The following ZNF7 variants were observed in gnomAD, a reference collection of about 807,000 sequenced individuals.
ZNF7 encodes the protein C2-H2 type zinc finger protein.
In ZNF7, 10 loss-of-function variants were observed where a neutral mutation model predicts 12.0. The observed-to-expected ratio is 0.83, with a 90% confidence interval of 0.51 to 1.42. The LOEUF (loss-of-function observed/expected upper bound fraction) is 1.42, where lower values mean the gene tolerates loss of function less well. Among genes scored for constraint, ZNF7 ranks in the 40% most tolerant of loss-of-function variants. ZNF7 has a pLI of 0.00. For synonymous variants in ZNF7, 334 were observed against 295.0 expected, an observed-to-expected ratio of 1.13 and a Z score of -1.35; for missense variants, 854 against 837.2, an observed-to-expected ratio of 1.02 and a Z score of -0.25.
chr8:144,835,690 C>T (rs1400217840), intron 3 of ZNF7: 1 of 152,154 alleles, frequency 6.6e-6, no homozygotes, highest in Non-Finnish European at 1.5e-5. Context: ...TCTTTGTTCT[C>T]TAGCTCTCTG....
At chr8:144,829,148 T>C in intron 2 of ZNF7, 58 bp downstream of exon 2, 2 of 1,611,080 alleles carry the variant, frequency 1.2e-6, no homozygotes, top group South Asian at 2.2e-5. Flanking sequence ...CACCTCCTGC[T>C]CTGCCCACTG....
chr8:144,838,261 A>C (rs1437827101), intron 4 of ZNF7: 2 of 624,870 alleles, frequency 3.2e-6, no homozygotes, highest in Non-Finnish European at 5.8e-6. Context: ...GTTAGGGGCC[A>C]CCCCAGTGAC....
In ZNF7 at chr8:144,838,425, G is replaced by GGCCTGGTGCTCTGCTCCCCT. The variant is rs1182858532; in HGVS notation, c.247+921_247+940dup. 5 of 426,802 alleles carry GGCCTGGTGCTCTGCTCCCCT rather than the reference G, an allele frequency of 1.2e-5. No individual in the cohort carries two copies. The East Asian group carries it at 1.6e-4, about 14-fold the overall frequency. The allele number at this position is 426,802 out of a possible 1,614,324, so 26.4% of individuals were successfully genotyped here. A position where few individuals can be genotyped will look rare whatever the true frequency, so the allele number is the denominator to read the frequency against. On this transcript the variant is annotated intron_variant, in intron 4 of 4. Transcript: ENST00000532777. ...ATCAGCTCCTGCTGGGCAGGCGCCC[G>GGCCTGGTGCTCTGCTCCCCT]GCCTGGTGCTCTGCTCCCCTGCTTA... is the stretch of plus-strand genomic sequence containing the variant.
rs780796625 is a variant in ZNF7 at position 144,843,404 on chromosome 8, A to AC, written c.*236_*237insC. On this transcript the variant is annotated 3_prime_UTR_variant, in exon 5 of 5. Transcript: ENST00000532777. ...GGAGGTTGAGACCATCCTGGGTAAC[A>AC]GGTGAAACCCCATCTCTACTAAAAA... 5.3e-4 allele frequency: 220 copies of AC among 417,796 alleles called. No individual in the cohort carries two copies. Among genetic ancestry groups the AC allele is most frequent in the East Asian group, 1.2e-3 (29 of 24,902 alleles). 25.9% of individuals were successfully genotyped at this position (417,796 alleles called of 1,614,324 possible). A position where few individuals can be genotyped will look rare whatever the true frequency, so the allele number is the denominator to read the frequency against.
At chr8:144,841,199 C>T (rs970982798) in intron 4 of ZNF7, 156 bp from the exon 5 acceptor site, 3 of 744,662 alleles carry the variant, frequency 4.0e-6, no homozygotes, top group South Asian at 1.8e-5. Flanking sequence ...TGAGAACTGT[C>T]AAAGGCTCTG....
chr8:144,829,529 C>T lies in ZNF7; in HGVS notation c.55C>T (p.Gln19Ter). ...VAVHFSREEWQCLDPGQRALY... is the reference protein window; with the variant it reads ...VAVHFSREEW ...TGTGCACTTCTCTCGGGAGGAGTGG[C>T]AGTGTCTGGACCCTGGCCAGAGGGC... Residue 19 changes from glutamine to a stop codon, truncating the protein, a stop_gained, in exon 3 of 5, where the codon CAG becomes TAG. Coordinates refer to ENST00000532777, the MANE Select transcript of ZNF7 (RefSeq NM_003416.4). LOFTEE classifies it high-confidence loss of function. 4 of 1,614,128 alleles carry T rather than the reference C, an allele frequency of 2.5e-6. No individual in the cohort carries two copies. The highest frequency in any genetic ancestry group is 3.4e-6 in the Non-Finnish European group (4 of 1,180,010).
downstream of ZNF7, among the ~76,000 whole-genome samples, chr8:144,844,483 G>A (rs555072572): frequency 6.6e-6 from 1 of 152,244 alleles, no homozygotes; most frequent in African/African-American, 2.4e-5. Flanking sequence ...GGTCGAGGTG[G>A]GTGGATCATG....
chr8:144,845,415 G>C (rs1339032391), downstream of ZNF7, among the ~76,000 whole-genome samples: 1 of 152,016 alleles, frequency 6.6e-6, no homozygotes, highest in African/African-American at 2.4e-5. Flanking sequence ...ACACAACCTT[G>C]AGAAGTGGCC....
intron 1 of ZNF7, 39 bp from the exon 2 acceptor site, chr8:144,829,004 T>C: frequency 6.2e-7 from 1 of 1,604,418 alleles, no homozygotes; most frequent in Non-Finnish European, 8.5e-7. Flanking sequence ...GTTGGGCTTC[T>C]GGCACCTTGA....
intron 3 of ZNF7, 102 bp downstream of exon 3, chr8:144,829,706 C>T: frequency 7.0e-7 from 1 of 1,437,884 alleles, no homozygotes; most frequent in Admixed American, 2.6e-5. Flanking sequence ...ACGCTCAGAC[C>T]CTTGTGGGCT....
At chr8:144,829,817 T>G in intron 3 of ZNF7, 1 of 459,828 alleles carries the variant, frequency 2.2e-6, no homozygotes, top group Non-Finnish European at 3.6e-6. Context: ...ATTCTGGGAG[T>G]TAGTAAAGCC....
In ZNF7 at chr8:144,841,764, A is replaced by C. The variant is rs377185328; in HGVS notation, c.657A>C (p.Thr219=). The change falls in exon 5 of 5, where the codon ACA becomes ACC. Residue 219 remains threonine, a synonymous_variant. Transcript: ENST00000532777. ...SDIALHWEIN[T]QKISRCQECQ... The stretch of plus-strand genomic sequence containing the variant: ...TCGCTCTGCATTGGGAAATTAATAC[A>C]CAGAAAATTAGCAGATGTCAAGAAT... 2 of 1,614,044 alleles carry C rather than the reference A, an allele frequency of 1.2e-6. No individual in the cohort carries two copies. Among genetic ancestry groups the C allele is most frequent in the Non-Finnish European group, 1.7e-6 (2 of 1,180,042 alleles).
Position 144,841,473 on chromosome 8 carries a change from T to G in ZNF7, c.366T>G (p.Phe122Leu). Residue 122 changes from phenylalanine to leucine, a missense_variant, in exon 5 of 5, where the codon TTT (phenylalanine) becomes TTG (leucine). Transcript: ENST00000532777. ...SPQDFPQNPG[F>L]GDVSDSEVWL... ...AGGACTTTCCTCAGAATCCTGGCTT[T>G]GGAGACGTTTCTGATTCTGAGGTCT... The G allele has an allele frequency of 6.2e-7, 1 of 1,614,234 alleles. No homozygotes were observed. Among genetic ancestry groups the G allele is most frequent in the Non-Finnish European group, 8.5e-7 (1 of 1,180,048 alleles).
rs533202825 is a variant in ZNF7 at position 144,843,361 on chromosome 8, G to A, written c.*193G>A. 65 of 600,930 alleles carry A rather than the reference G, an allele frequency of 1.1e-4. No homozygotes were observed. The highest frequency in any genetic ancestry group is 4.3e-4 in the South Asian group (15 of 34,728). 37.2% of individuals were successfully genotyped at this position (600,930 alleles called of 1,614,324 possible). A position where few individuals can be genotyped will look rare whatever the true frequency, so the allele number is the denominator to read the frequency against. ...TCCCAGCACTTTGGGAGGCCAAGGC[G>A]GGCACATCACGAGGTCAGGAGGTTG... On this transcript the variant is annotated 3_prime_UTR_variant, in exon 5 of 5. Coordinates refer to ENST00000532777, the MANE Select transcript of ZNF7 (RefSeq NM_003416.4).
intron 4 of ZNF7, among the ~76,000 whole-genome samples, chr8:144,839,453 C>T (rs969851458): frequency 8.5e-5 from 13 of 152,218 alleles, no homozygotes; most frequent in Non-Finnish European, 1.0e-4. Flanking sequence ...AAAACCCAGC[C>T]GCCCATTAAA....
intron 4 of ZNF7, chr8:144,840,945 G>A (rs768130873): frequency 5.2e-5 from 9 of 174,484 alleles, no homozygotes; most frequent in African/African-American, 9.5e-5. Flanking sequence ...TCTCCATTCA[G>A]AACTCAGACC....
chr8:144,846,394 T>C (rs749363891), downstream of ZNF7: 13 of 551,868 alleles, frequency 2.4e-5, no homozygotes, highest in Non-Finnish European at 3.8e-5. Flanking sequence ...TTGAAAACTA[T>C]GTTAAAATCG....
chr8:144,845,947 C>T, downstream of ZNF7: 2 of 1,533,550 alleles, frequency 1.3e-6, no homozygotes, highest in South Asian at 1.2e-5. Flanking sequence ...AGGTCTAGCA[C>T]AGGGGTTGCT....
At chr8:144,837,986 A>G (rs1306455782) in intron 4 of ZNF7, 1 of 682,276 alleles carries the variant, frequency 1.5e-6, no homozygotes, top group Non-Finnish European at 2.7e-6. Context: ...GCTTAAAACA[A>G]CAGAAATTTA....
Sources: allele counts gnomAD v4.1 joint callset (sites outside exome capture counted in the v4.1 genomes callset), GRCh38; gene constraint gnomAD v4.1.1; transcripts MANE v1.5; gene names NCBI Gene and HGNC (gene_info 2026-07-23, HGNC 2026-07-21).